Variants in IHO1 observed in about 807,000 individuals in gnomAD.
IHO1 encodes interactor of HORMAD1 protein 1.
IHO1 carries 13 observed loss-of-function variants against 31.0 expected under a neutral mutation model. The ratio of observed to expected loss-of-function variants is 0.42; its 90% CI spans 0.27 to 0.67. IHO1 has a LOEUF of 0.67. Ranked by LOEUF, IHO1 falls within the 30% of genes least tolerant of loss-of-function variation. The probability of loss-of-function intolerance (pLI) is 0.24; values close to 1 mark genes in which losing one functional copy is unlikely to be tolerated. For synonymous variants in IHO1, 221 were observed against 248.4 expected, an observed-to-expected ratio of 0.89 and a Z score of 1.04; for missense variants, 599 against 687.5, an observed-to-expected ratio of 0.87 and a Z score of 1.44.
At chr3:49,231,515 T>G (rs537305795) in intron 2 of IHO1, among the ~76,000 whole-genome samples, 152 of 152,336 alleles carry the variant, frequency 1.0e-3, no homozygotes, top group African/African-American at 3.4e-3. Context: ...AATTGAGGTA[T>G]TGACTGTTTT....
At chr3:49,216,905 C>T (rs1361853034) in intron 2 of IHO1, among the ~76,000 whole-genome samples, 2 of 152,178 alleles carry the variant, frequency 1.3e-5, no homozygotes, top group Admixed American at 6.5e-5. Flanking sequence ...CATCACTTGT[C>T]GTCAGAGAAA....
intron 2 of IHO1, among the ~76,000 whole-genome samples, chr3:49,221,874 A>G (rs771166823): frequency 2.6e-5 from 4 of 152,350 alleles, no homozygotes; most frequent in Middle Eastern, 3.4e-3. Context: ...AGGCTGGTAT[A>G]AGAGTTTGAA....
chr3:49,191,711 C>G, the IHO1 span: 1 of 1,594,222 alleles, frequency 6.3e-7, no homozygotes, highest in Non-Finnish European at 8.5e-7. Flanking sequence ...ACCAGAGGGC[C>G]AGGGGCCAGG....
chr3:49,220,732 G>T (rs2046344359), intron 2 of IHO1, among the ~76,000 whole-genome samples: 1 of 152,152 alleles, frequency 6.6e-6, no homozygotes, highest in Non-Finnish European at 1.5e-5. Flanking sequence ...GCCGGGCGTG[G>T]TGGTGGGCAC....
intron 6 of IHO1, among the ~76,000 whole-genome samples, chr3:49,246,200 A>C (rs998698555): frequency 3.3e-5 from 5 of 151,700 alleles, no homozygotes; most frequent in East Asian, 3.9e-4. Context: ...AAAAAAAAAA[A>C]AACTTGTTCT....
intron 2 of IHO1, among the ~76,000 whole-genome samples, chr3:49,218,446 A>G (rs866437776): frequency 1.4e-5 from 2 of 145,678 alleles, no homozygotes; most frequent in South Asian, 4.3e-4. Flanking sequence ...AGTGGATGCA[A>G]TCTTGGCTCA....
rs1465819820 is a variant in IHO1 at position 49,214,640 on chromosome 3, T to A, written c.56+2804T>A. ...TATATATATATATATATATTTTTTT[T>A]TTTTTTTTTTTTTTTTGAGACGGAG... On this transcript the variant is annotated intron_variant, in intron 2 of 7. Transcript: ENST00000452691. Among the ~76,000 whole-genome samples the A allele has an allele frequency of 6.4e-4, 19 of 29,854 alleles. No individual in the cohort carries two copies. In the East Asian group the frequency reaches 0.12, roughly 183 times the overall value. The allele number at this position is 29,854 out of a possible 152,430, so 19.6% of individuals were successfully genotyped here. A position where few individuals can be genotyped will look rare whatever the true frequency, so the allele number is the denominator to read the frequency against.
chr3:49,211,445 T>C (rs1191200433), intron 1 of IHO1, among the ~76,000 whole-genome samples: 1 of 152,168 alleles, frequency 6.6e-6, no homozygotes, highest in African/African-American at 2.4e-5. Context: ...GTGTTTCTAT[T>C]TATTTACTTA....
chr3:49,200,475 A>AGAGAG (rs1553615441), intron 1 of IHO1: 6 of 103,850 alleles, frequency 5.8e-5, no homozygotes, highest in Admixed American at 5.1e-4. Flanking sequence ...AAAAAAAAAA[A>AGAGAG]AAAGAAAGAA....
chr3:49,206,777 C>CA (rs2046143578), intron 1 of IHO1, among the ~76,000 whole-genome samples: 1 of 151,910 alleles, frequency 6.6e-6, no homozygotes, highest in Non-Finnish European at 1.5e-5. Context: ...ACACACCTGT[C>CA]ATCTCAGCAC....
chr3:49,200,595 C>T (rs1017782568), intron 1 of IHO1: 6 of 984,432 alleles, frequency 6.1e-6, no homozygotes, highest in Non-Finnish European at 7.2e-6. Flanking sequence ...CGGTCCTCTC[C>T]CCCTCACGTG....
chr3:49,250,902 T>C (rs1575588109), intron 6 of IHO1, among the ~76,000 whole-genome samples: 1 of 151,876 alleles, frequency 6.6e-6, no homozygotes. Flanking sequence ...TGGTGGCGCA[T>C]GCCTCCAGCT....
intron 6 of IHO1, among the ~76,000 whole-genome samples, chr3:49,255,161 C>A (rs1245619382): frequency 6.6e-6 from 1 of 152,094 alleles, no homozygotes; most frequent in Admixed American, 6.6e-5. Context: ...GCCACAGAAG[C>A]TTTTGTGCTG....
intron 2 of IHO1, among the ~76,000 whole-genome samples, 176 bp downstream of exon 2, chr3:49,212,012 A>C (rs1050304439): frequency 3.3e-5 from 5 of 151,588 alleles, no homozygotes; most frequent in Non-Finnish European, 7.4e-5. Flanking sequence ...AATACAAAAA[A>C]ATTTAGCCGG....
intron 2 of IHO1, 45 bp from the exon 3 acceptor site, chr3:49,236,503 C>T (rs2046561143): frequency 4.3e-6 from 6 of 1,395,286 alleles, no homozygotes; most frequent in Non-Finnish European, 6.0e-6. Context: ...TTCATTTGTT[C>T]AGGATATTTG....
chr3:49,229,402 C>A (rs977289025), intron 2 of IHO1, among the ~76,000 whole-genome samples: 1 of 152,218 alleles, frequency 6.6e-6, no homozygotes, highest in African/African-American at 2.4e-5. Flanking sequence ...CAAGTACAAA[C>A]AGGAGTCATT....
chr3:49,197,711 C>T (rs1442240945), upstream of IHO1, among the ~76,000 whole-genome samples: 1 of 151,622 alleles, frequency 6.6e-6, no homozygotes, highest in African/African-American at 2.4e-5. Flanking sequence ...CCTGTCTCTA[C>T]TAAAAATACA....
At chr3:49,209,425 A>G (rs2046180357) in intron 1 of IHO1, among the ~76,000 whole-genome samples, 1 of 152,044 alleles carries the variant, frequency 6.6e-6, no homozygotes, top group South Asian at 2.1e-4. Context: ...ACTTGAGGTC[A>G]GGAGTTCGGC....
chr3:49,196,010 C>T (rs1048507875), upstream of IHO1, among the ~76,000 whole-genome samples: 3 of 150,216 alleles, frequency 2.0e-5, no homozygotes, highest in African/African-American at 7.3e-5. Context: ...TCGAGGCGGG[C>T]GGATCACAAG....
Sources: allele counts gnomAD v4.1 joint callset (sites outside exome capture counted in the v4.1 genomes callset), GRCh38; gene constraint gnomAD v4.1.1; transcripts MANE v1.5; gene names NCBI Gene and HGNC (gene_info 2026-07-23, HGNC 2026-07-21).